The following ZFHX3 variants were observed in gnomAD, a reference collection of about 807,000 sequenced individuals.
ZFHX3 encodes zinc finger homeobox protein 3.
ZFHX3 carries 42 observed loss-of-function variants against 279.1 expected under a neutral mutation model. The observed-to-expected ratio is 0.15, with a 90% confidence interval of 0.12 to 0.19. ZFHX3 has a LOEUF of 0.19. Ranked by LOEUF, ZFHX3 falls within the 10% of genes least tolerant of loss-of-function variation. ZFHX3 has a pLI of 1.00. For missense variants in ZFHX3, 4,981 were observed against 4,754.0 expected (o/e 1.05, Z -1.40); for synonymous variants, 2,293 against 1,957.8 (o/e 1.17, Z -4.52).
At chr16:72,994,913 T>C (rs1218115988) in intron 1 of ZFHX3, among the ~76,000 whole-genome samples, 1 of 152,186 alleles carries the variant, frequency 6.6e-6, no homozygotes, top group East Asian at 1.9e-4. Flanking sequence ...TGTAGCAATA[T>C]TCCGGAACCC....
At chr16:73,565,291 C>A (rs1213812654) in intron 2 of ZFHX3, among the ~76,000 whole-genome samples, 3 of 151,850 alleles carry the variant, frequency 2.0e-5, no homozygotes. Flanking sequence ...ATATTTGCAT[C>A]TGATGATAAT....
At chr16:72,922,726 T>A (rs1434823823) in intron 3 of ZFHX3, among the ~76,000 whole-genome samples, 1 of 152,216 alleles carries the variant, frequency 6.6e-6, no homozygotes, top group Non-Finnish European at 1.5e-5. Context: ...ATAAAACATT[T>A]GTTTCAGATT....
chr16:73,547,264 T>C (rs963150945), intron 2 of ZFHX3, among the ~76,000 whole-genome samples: 3 of 151,804 alleles, frequency 2.0e-5, no homozygotes, highest in South Asian at 2.1e-4. Context: ...TGTTACCAAA[T>C]TGGCTTTAAA....
intron 2 of ZFHX3, among the ~76,000 whole-genome samples, chr16:73,653,562 A>G (rs1207044315): frequency 2.0e-5 from 3 of 151,686 alleles, no homozygotes; most frequent in Non-Finnish European, 4.4e-5. Flanking sequence ...CACTACATAT[A>G]AAAACTTGTG....
chr16:73,531,841 C>G (rs2019810129), intron 2 of ZFHX3, among the ~76,000 whole-genome samples: 1 of 151,674 alleles, frequency 6.6e-6, no homozygotes, highest in African/African-American at 2.4e-5. Flanking sequence ...GTAATCCCAG[C>G]ATGTTTGGAG....
At chr16:73,052,997 G>T (rs757632669), upstream of ZFHX3, among the ~76,000 whole-genome samples, 2 of 152,122 alleles carry the variant, frequency 1.3e-5, no homozygotes, top group Non-Finnish European at 1.5e-5. Context: ...TTTTTCACCC[G>T]TCTTACTTGG....
At chr16:73,288,125 G>A (rs368342635) in intron 4 of ZFHX3, among the ~76,000 whole-genome samples, 1 of 151,688 alleles carries the variant, frequency 6.6e-6, no homozygotes, top group Non-Finnish European at 1.5e-5. Context: ...AAGGAGGAGG[G>A]TGGGGGTCTG....
chr16:73,694,252 G>A (rs2142210141), intron 1 of ZFHX3, among the ~76,000 whole-genome samples: 1 of 152,288 alleles, frequency 6.6e-6, no homozygotes, highest in South Asian at 2.1e-4. Flanking sequence ...GAACTGGGGA[G>A]GCAGAGGTTG....
chr16:73,630,060 C>G (rs1015809119), intron 2 of ZFHX3, among the ~76,000 whole-genome samples: 8 of 152,130 alleles, frequency 5.3e-5, no homozygotes, highest in Admixed American at 5.2e-4. Context: ...CAACCACTCT[C>G]TCTCTCTAAT....
intron 1 of ZFHX3, among the ~76,000 whole-genome samples, chr16:73,872,613 G>A (rs573754168): frequency 5.2e-4 from 78 of 150,296 alleles, no homozygotes; most frequent in African/African-American, 1.7e-3. Flanking sequence ...ATGAATTGTC[G>A]GACAGTTATC....
intron 3 of ZFHX3, among the ~76,000 whole-genome samples, chr16:73,416,362 TA>T (rs2017580898): frequency 6.6e-6 from 1 of 152,000 alleles, no homozygotes; most frequent in South Asian, 2.1e-4. Context: ...AAGGTGAGAA[TA>T]AAAATGTTGT....
At chr16:73,509,239 C>T (rs2019380121) in intron 2 of ZFHX3, among the ~76,000 whole-genome samples, 1 of 152,136 alleles carries the variant, frequency 6.6e-6, no homozygotes, top group East Asian at 1.9e-4. Context: ...TCCTCTGCCA[C>T]CTATAGCCAT....
intron 5 of ZFHX3, among the ~76,000 whole-genome samples, chr16:73,161,495 C>T (rs1967235253): frequency 6.6e-6 from 1 of 152,180 alleles, no homozygotes; most frequent in Non-Finnish European, 1.5e-5. Context: ...GTCTTTGTGC[C>T]TCCAAAGTGC....
Position 72,783,306 on chromosome 16 carries a change from T to TAAAC in ZFHX3, c.*3854_*3857dup, listed in dbSNP as rs1234630686. ...TTGCCCCCCTCCCCCCTGAAGAAAG[T>TAAAC]AAACAAACAAAAAACTAGTCAAAGC... On this transcript the variant is annotated 3_prime_UTR_variant, in exon 10 of 10. Transcript: ENST00000268489. The TAAAC allele has an allele frequency of 7.2e-5, 11 of 152,296 alleles. No homozygotes were observed. Among genetic ancestry groups the TAAAC allele is most frequent in the Admixed American group, 2.6e-4 (4 of 15,252 alleles). 9.4% of individuals were successfully genotyped at this position (152,296 alleles called of 1,614,324 possible). A position where few individuals can be genotyped will look rare whatever the true frequency, so the allele number is the denominator to read the frequency against.
intron 5 of ZFHX3, among the ~76,000 whole-genome samples, chr16:73,247,549 G>T (rs2013326729): frequency 6.6e-6 from 1 of 151,460 alleles, no homozygotes; most frequent in Admixed American, 6.6e-5. Flanking sequence ...CTGTGTCTAT[G>T]TGCCTGTATG....
intron 3 of ZFHX3, among the ~76,000 whole-genome samples, chr16:73,390,611 G>T (rs1435210510): frequency 6.6e-6 from 1 of 152,136 alleles, no homozygotes; most frequent in African/African-American, 2.4e-5. Flanking sequence ...TGAAAATAAT[G>T]CCTTAAGTAT....
intron 1 of ZFHX3, among the ~76,000 whole-genome samples, chr16:73,736,666 C>T (rs1261050664): frequency 6.6e-6 from 1 of 152,234 alleles, no homozygotes; most frequent in Non-Finnish European, 1.5e-5. Flanking sequence ...GAAAGAGTCT[C>T]TGGCTCCCTT....
At chr16:73,135,167 TTA>T (rs1966766562) in intron 6 of ZFHX3, among the ~76,000 whole-genome samples, 1 of 152,340 alleles carries the variant, frequency 6.6e-6, no homozygotes, top group African/African-American at 2.4e-5. Flanking sequence ...ATAAACTGTA[TTA>T]TAGCTTATCC....
chr16:73,417,083 CG>C (rs2017603570), intron 3 of ZFHX3, among the ~76,000 whole-genome samples: 1 of 152,014 alleles, frequency 6.6e-6, no homozygotes, highest in South Asian at 2.1e-4. Flanking sequence ...GAGAAGGGCA[CG>C]TCACCTCTGC....
Sources: gnomAD v4.1 joint callset for allele counts (sites outside exome capture counted in the v4.1 genomes callset) on GRCh38, gnomAD v4.1.1 for gene constraint, MANE v1.5 for transcripts, NCBI Gene and HGNC (gene_info 2026-07-23, HGNC 2026-07-21) for gene names.